The following EHBP1 variants were observed in gnomAD, a reference collection of about 807,000 sequenced individuals.
EHBP1 encodes EH domain-binding protein 1.
EHBP1 carries 55 observed loss-of-function variants against 144.0 expected under a neutral mutation model. The observed-to-expected ratio is 0.38, with a 90% CI of 0.31 to 0.48. The LOEUF (loss-of-function observed/expected upper bound fraction) is 0.48, where lower values mean the gene tolerates loss of function less well. Among genes scored for constraint, EHBP1 ranks in the 20% least tolerant of loss-of-function variants. The pLI, the probability that EHBP1 is intolerant of heterozygous loss-of-function variation, is 0.98. For missense variants in EHBP1, 1,200 were observed against 1,364.2 expected (o/e 0.88, Z 1.90); for synonymous variants, 469 against 472.7 (o/e 0.99, Z 0.10).
Position 62,948,265 on chromosome 2 carries a change from C to A in EHBP1, c.1419C>A (p.Tyr473Ter). Residue 473 changes from tyrosine (Y) to a stop codon, truncating the protein, a stop_gained, in exon 13 of 23, where the codon TAC (tyrosine) becomes TAA (stop). Coordinates refer to ENST00000431489, the MANE Select transcript of EHBP1 (RefSeq NM_001142616.3). LOFTEE classifies it high-confidence loss of function. Reference protein sequence around the residue: ...QDIKENNKKAYDGFASIGISR... With the variant: ...QDIKENNKKA The stretch of plus-strand genomic sequence containing the variant: ...TGTTTTTCCTTCCTTTGAAGGCATA[C>A]GATGGATTTGCCAGCATAGGAATTT... 6.4e-7 allele frequency: 1 copy of A among 1,557,924 alleles called. No homozygotes were observed. The highest frequency in any genetic ancestry group is 8.7e-7 in the Non-Finnish European group (1 of 1,152,308).
intron 7 of EHBP1, among the ~76,000 whole-genome samples, chr2:62,849,634 AAATAAAG>A (rs1245141363): frequency 1.3e-5 from 2 of 152,186 alleles, no homozygotes; most frequent in African/African-American, 4.8e-5. Context: ...TATAATGTAA[AAATAAAG>A]AATATTTTAT....
intron 3 of EHBP1, among the ~76,000 whole-genome samples, chr2:62,763,922 A>G (rs528383855): frequency 1.3e-5 from 2 of 152,238 alleles, no homozygotes; most frequent in East Asian, 3.9e-4. Flanking sequence ...ATCTCTTCTA[A>G]TAAAATACTT....
intron 3 of EHBP1, among the ~76,000 whole-genome samples, chr2:62,757,579 A>C (rs2040412316): frequency 6.6e-6 from 1 of 151,510 alleles, no homozygotes; most frequent in East Asian, 1.9e-4. Flanking sequence ...GATTACAGAC[A>C]TACGCCACAA....
chr2:62,712,262 G>A (rs360804), intron 2 of EHBP1, among the ~76,000 whole-genome samples: 43,786 of 151,950 alleles, frequency 0.29, 6,647 homozygotes, highest in Middle Eastern at 0.39. Flanking sequence ...CAGATAGGTT[G>A]GTAGATTTGG....
Position 63,028,324 on chromosome 2 carries a change from A to G in EHBP1, c.3104-9211A>G, listed in dbSNP as rs1466387686. Among the ~76,000 whole-genome samples, 5 of 152,224 alleles carry G rather than the reference A, an allele frequency of 3.3e-5. No individual in the cohort carries two copies. In the East Asian group the frequency reaches 9.6e-4, roughly 29 times the overall value. On this transcript the variant is annotated intron_variant, in intron 19 of 22. Coordinates refer to ENST00000431489, the MANE Select transcript of EHBP1 (RefSeq NM_001142616.3). ...ACCCAAGCATGATCAAAGCAGGTAT[A>G]GAGTGGAAAAGAAACTTACTGTGCA...
chr2:62,837,505 T>C (rs2047376311), intron 7 of EHBP1, among the ~76,000 whole-genome samples: 1 of 152,050 alleles, frequency 6.6e-6, no homozygotes, highest in African/African-American at 2.4e-5. Flanking sequence ...ACTTTAAATA[T>C]ACATGGACTA....
chr2:62,896,521 A>G (rs2052952038), intron 10 of EHBP1, among the ~76,000 whole-genome samples: 1 of 151,956 alleles, frequency 6.6e-6, no homozygotes, highest in Admixed American at 6.6e-5. Context: ...AACTGTCCCT[A>G]CTTTTATCTA....
chr2:62,925,190 A>G (rs2055399496), intron 10 of EHBP1, among the ~76,000 whole-genome samples: 1 of 152,224 alleles, frequency 6.6e-6, no homozygotes, highest in African/African-American at 2.4e-5. Context: ...ATAATTAGGT[A>G]TAGAAGGTTA....
intron 5 of EHBP1, among the ~76,000 whole-genome samples, chr2:62,821,984 C>T (rs1174193029): frequency 1.3e-5 from 2 of 152,102 alleles, no homozygotes; most frequent in Non-Finnish European, 2.9e-5. Context: ...TACAAACAAT[C>T]CAATTCTTTC....
chr2:63,006,713 G>A (rs1303471703), intron 19 of EHBP1, among the ~76,000 whole-genome samples: 1 of 151,730 alleles, frequency 6.6e-6, no homozygotes, highest in Admixed American at 6.6e-5. Flanking sequence ...CTGTAAAAAT[G>A]CTAAAGATCA....
chr2:62,925,016 CA>C (rs778823413), intron 10 of EHBP1, among the ~76,000 whole-genome samples: 1 of 152,112 alleles, frequency 6.6e-6, no homozygotes, highest in South Asian at 2.1e-4. Flanking sequence ...CCACCATGAC[CA>C]AGTGGAATTT....
At chr2:62,949,686 C>T (rs1387744330) in intron 13 of EHBP1, among the ~76,000 whole-genome samples, 2 of 152,024 alleles carry the variant, frequency 1.3e-5, no homozygotes, top group Non-Finnish European at 2.9e-5. Context: ...AAAACATTTT[C>T]CTTAGGTATT....
At chr2:63,038,613 C>A in intron 20 of EHBP1, 130 bp from the exon 21 acceptor site, 1 of 698,990 alleles carries the variant, frequency 1.4e-6, no homozygotes, top group East Asian at 2.7e-5. Context: ...GTGTATCATT[C>A]ATTTGGAGTG....
chr2:62,716,811 T>G (rs1294808367), intron 2 of EHBP1, among the ~76,000 whole-genome samples: 1 of 152,232 alleles, frequency 6.6e-6, no homozygotes, highest in Non-Finnish European at 1.5e-5. Flanking sequence ...ACTGCCTGAA[T>G]AGTCAGCAAG....
intron 2 of EHBP1, among the ~76,000 whole-genome samples, chr2:62,738,304 A>G (rs1558580589): frequency 6.6e-6 from 1 of 152,108 alleles, no homozygotes; most frequent in Non-Finnish European, 1.5e-5. Context: ...ATTCATTGTG[A>G]CTTAGTAAAC....
intron 1 of EHBP1, among the ~76,000 whole-genome samples, chr2:62,686,531 G>A (rs557166318): frequency 1.7e-4 from 26 of 152,192 alleles, no homozygotes; most frequent in African/African-American, 4.6e-4. Context: ...TGGAGCTAAC[G>A]GCAAGTTCCA....
chr2:62,888,964 C>T (rs889465507), intron 10 of EHBP1, among the ~76,000 whole-genome samples: 2 of 150,100 alleles, frequency 1.3e-5, no homozygotes, highest in Admixed American at 6.7e-5. Context: ...TAAGGAGCCA[C>T]TAACTCCTGG....
intron 18 of EHBP1, chr2:62,994,225 C>T (rs2059539826): frequency 4.0e-6 from 1 of 250,280 alleles, no homozygotes; most frequent in African/African-American, 2.2e-5. Context: ...CATCAGGGCA[C>T]TTCCCATAAA....
At position 62,948,248 on chromosome 2, in the gene EHBP1, C is replaced by T; in HGVS notation, c.1414-12C>T. ...CTGTTCAATATATCTTTTGTTTTTC[C>T]TTCCTTTGAAGGCATACGATGGATT... On this transcript the variant is annotated splice_polypyrimidine_tract_variant and intron_variant, in intron 12 of 22. Coordinates refer to ENST00000431489, the MANE Select transcript of EHBP1 (RefSeq NM_001142616.3). 6.6e-7 allele frequency: 1 copy of T among 1,522,170 alleles called. No individual in the cohort carries two copies. Among genetic ancestry groups the T allele is most frequent in the South Asian group, 1.3e-5 (1 of 75,712 alleles). 94.3% of individuals were successfully genotyped at this position (1,522,170 alleles called of 1,614,324 possible). A position where few individuals can be genotyped will look rare whatever the true frequency, so the allele number is the denominator to read the frequency against.
Sources: allele counts gnomAD v4.1 joint callset (sites outside exome capture counted in the v4.1 genomes callset), GRCh38; gene constraint gnomAD v4.1.1; transcripts MANE v1.5; gene names NCBI Gene and HGNC (gene_info 2026-07-23, HGNC 2026-07-21).